Variants in ADORA2B observed in about 807,000 individuals in gnomAD.
ADORA2B encodes the protein adenosine A2b receptor.
ADORA2B carries 18 observed loss-of-function variants against 20.8 expected under a neutral mutation model. The observed-to-expected ratio is 0.87, with a 90% CI of 0.60 to 1.29. The LOEUF (loss-of-function observed/expected upper bound fraction) is 1.29. ADORA2B is among the 50% of genes most tolerant of loss of function. ADORA2B has a pLI of 0.00. For missense variants in ADORA2B, 441 were observed against 422.7 expected, an observed-to-expected ratio of 1.04 and a Z score of -0.38; for synonymous variants, 179 against 178.3, an observed-to-expected ratio of 1.00 and a Z score of -0.03.
chr17:15,910,331 T>TGA, the ADORA2B span, among the ~76,000 whole-genome samples: 1 of 152,010 alleles, frequency 6.6e-6, no homozygotes, highest in African/African-American at 2.4e-5. Flanking sequence ...TGAGTTTTGC[T>TGA]GTTTCACCCA....
chr17:15,905,293 G>GT, the ADORA2B span, among the ~76,000 whole-genome samples: 1 of 149,038 alleles, frequency 6.7e-6, no homozygotes, highest in Non-Finnish European at 1.5e-5. Context: ...TTGGGGGGGG[G>GT]TTGCGATTGT....
chr17:15,966,973 A>AT (rs1567783012), intron 1 of ADORA2B, among the ~76,000 whole-genome samples: 1 of 152,228 alleles, frequency 6.6e-6, no homozygotes, highest in East Asian at 1.9e-4. Context: ...GACGTGGCCC[A>AT]TGCCCTTCAG....
the ADORA2B span, among the ~76,000 whole-genome samples, chr17:15,886,527 G>T: frequency 2.7e-4 from 35 of 130,210 alleles, 11 homozygotes; most frequent in African/African-American, 1.1e-3. Flanking sequence ...ACAGGTAAAT[G>T]CTCAGCAAGG....
chr17:15,964,874 A>G (rs369636980), intron 1 of ADORA2B, among the ~76,000 whole-genome samples: 218 of 152,114 alleles, frequency 1.4e-3, no homozygotes, highest in African/African-American at 4.8e-3. Flanking sequence ...ATCCTGGCTA[A>G]CACGGTGAAA....
chr17:15,943,221 A>G (rs2779193), upstream of ADORA2B, among the ~76,000 whole-genome samples: 135,829 of 152,282 alleles, frequency 0.89, 62,182 homozygotes, highest in Non-Finnish European at 0.99. Context: ...CATCCCACCC[A>G]GCTAGGAGGT....
chr17:15,874,082 G>GTA, the ADORA2B span, among the ~76,000 whole-genome samples: 3,274 of 136,856 alleles, frequency 0.024, 176 homozygotes, highest in African/African-American at 0.09. Context: ...ATATATATAT[G>GTA]TATATATATG....
At chr17:15,890,847 G>A in the ADORA2B span, among the ~76,000 whole-genome samples, 1 of 152,362 alleles carries the variant, frequency 6.6e-6, no homozygotes, top group East Asian at 1.9e-4. Context: ...GCTATGAAGA[G>A]AGGGGACCCA....
At chr17:15,908,083 CTT>C in the ADORA2B span, among the ~76,000 whole-genome samples, 1 of 151,430 alleles carries the variant, frequency 6.6e-6, no homozygotes, top group East Asian at 1.9e-4. Context: ...TTATGGGTGA[CTT>C]TTTTTTTCTT....
the ADORA2B span, among the ~76,000 whole-genome samples, chr17:15,930,414 G>C: frequency 6.6e-6 from 1 of 151,280 alleles, no homozygotes; most frequent in African/African-American, 2.4e-5. Context: ...CTCCTACCTA[G>C]TCTCCAGAGG....
chr17:15,910,159 C>T, the ADORA2B span, among the ~76,000 whole-genome samples: 6 of 152,178 alleles, frequency 3.9e-5, no homozygotes, highest in Admixed American at 3.9e-4. Flanking sequence ...ACAGTGACTG[C>T]CATTACTACT....
Position 15,945,226 on chromosome 17 carries a change from C to T in ADORA2B, c.-23C>T, listed in dbSNP as rs570182138. 2.9e-6 allele frequency: 4 copies of T among 1,388,044 alleles called. No homozygotes were observed. Among genetic ancestry groups the T allele is most frequent in the Non-Finnish European group, 3.7e-6 (4 of 1,078,724 alleles). 86.0% of individuals were successfully genotyped at this position (1,388,044 alleles called of 1,614,324 possible). A position where few individuals can be genotyped will look rare whatever the true frequency, so the allele number is the denominator to read the frequency against. ...CCCGGCGCGCCTTCGGTAGGGGGCG[C>T]CCGGGGCCCAGCTGGCCCGGCCATG... On this transcript the variant is annotated 5_prime_UTR_variant, in exon 1 of 2. Coordinates refer to ENST00000304222, the MANE Select transcript of ADORA2B (RefSeq NM_000676.4).
the ADORA2B span, among the ~76,000 whole-genome samples, chr17:15,888,421 A>G: frequency 1.3e-4 from 17 of 128,258 alleles, 2 homozygotes; most frequent in Middle Eastern, 3.4e-3. Flanking sequence ...ACAAGAGAGC[A>G]TTCCAAGAAT....
chr17:15,887,396 C>G, the ADORA2B span, among the ~76,000 whole-genome samples: 33 of 131,020 alleles, frequency 2.5e-4, 9 homozygotes, highest in Non-Finnish European at 1.6e-5. Context: ...TATTCTTGAA[C>G]TTAACAAAAT....
At chr17:15,874,042 G>GTGTGTATATA in the ADORA2B span, among the ~76,000 whole-genome samples, 1,287 of 134,494 alleles carry the variant, frequency 9.6e-3, 15 homozygotes, top group African/African-American at 0.039. Flanking sequence ...ATATATATGT[G>GTGTGTATATA]TATATATATA....
At chr17:15,942,513 T>C (rs1216703066), upstream of ADORA2B, among the ~76,000 whole-genome samples, 9 of 152,186 alleles carry the variant, frequency 5.9e-5, no homozygotes, top group African/African-American at 2.2e-4. Flanking sequence ...AATGTAAGAA[T>C]GGCCTAATAC....
the ADORA2B span, among the ~76,000 whole-genome samples, chr17:15,884,794 C>T: frequency 2.0e-5 from 3 of 152,222 alleles, no homozygotes; most frequent in East Asian, 5.8e-4. Flanking sequence ...TGTATATGTA[C>T]CGTATTCTCT....
At chr17:15,936,559 A>T in the ADORA2B span, among the ~76,000 whole-genome samples, 14 of 151,598 alleles carry the variant, frequency 9.2e-5, no homozygotes, top group South Asian at 2.5e-3. Flanking sequence ...ACCTCAGGTG[A>T]TCCACCCACC....
the ADORA2B span, among the ~76,000 whole-genome samples, chr17:15,863,409 A>G: frequency 6.6e-6 from 1 of 152,086 alleles, no homozygotes; most frequent in Non-Finnish European, 1.5e-5. Flanking sequence ...GCAGTGGTAT[A>G]ATCATAATTC....
chr17:15,866,718 T>TCTGCCGCTGCCG, the ADORA2B span, among the ~76,000 whole-genome samples: 1,192 of 126,822 alleles, frequency 9.4e-3, no homozygotes, highest in African/African-American at 0.035. Flanking sequence ...TGCCGCTGCC[T>TCTGCCGCTGCCG]CTGCCGCTGC....
Sources: gnomAD v4.1 joint callset for allele counts (sites outside exome capture counted in the v4.1 genomes callset) on GRCh38, gnomAD v4.1.1 for gene constraint, MANE v1.5 for transcripts, NCBI Gene and HGNC (gene_info 2026-07-23, HGNC 2026-07-21) for gene names.